The following KCNH1 variants were observed in gnomAD, a reference collection of about 807,000 sequenced individuals.
The protein encoded by KCNH1 is voltage-gated delayed rectifier potassium channel KCNH1.
A neutral mutation model predicts 69.2 loss-of-function variants in KCNH1; 27 were observed. That is an observed-to-expected ratio of 0.39 (90% CI 0.29 to 0.54). The LOEUF (loss-of-function observed/expected upper bound fraction) is 0.54, where lower values mean the gene tolerates loss of function less well. Among genes scored for constraint, KCNH1 ranks in the 20% least tolerant of loss-of-function variants. The pLI, the probability that KCNH1 is intolerant of heterozygous loss-of-function variation, is 0.68. For synonymous variants in KCNH1, 456 were observed against 487.7 expected (o/e 0.93, Z 0.86); for missense variants, 798 against 1,261.6 (o/e 0.63, Z 5.57).
chr1:211,016,898 G>T, intron 6 of KCNH1, among the ~76,000 whole-genome samples: 2 of 73,498 alleles, frequency 2.7e-5, no homozygotes. Flanking sequence ...GACAGAGCAA[G>T]ACTCTGTCTC....
intron 7 of KCNH1, among the ~76,000 whole-genome samples, chr1:210,822,062 T>C (rs1301502116): frequency 1.3e-5 from 2 of 152,018 alleles, no homozygotes; most frequent in African/African-American, 4.8e-5. Context: ...GGAATGGCAC[T>C]AGCTCTCAGA....
chr1:210,743,506 CA>C (rs2149038306), intron 10 of KCNH1, among the ~76,000 whole-genome samples: 1 of 152,274 alleles, frequency 6.6e-6, no homozygotes, highest in South Asian at 2.1e-4. Flanking sequence ...GTCCTGGTTA[CA>C]GCCTGAGCAG....
chr1:211,016,577 C>T (rs1204338023), intron 6 of KCNH1, among the ~76,000 whole-genome samples: 1 of 152,040 alleles, frequency 6.6e-6, no homozygotes, highest in Non-Finnish European at 1.5e-5. Flanking sequence ...TAAAAATGTG[C>T]TCACAGAGAA....
intron 7 of KCNH1, chr1:210,918,990 A>G (rs1395543586): frequency 6.6e-6 from 1 of 151,614 alleles, no homozygotes; most frequent in Non-Finnish European, 1.5e-5. Context: ...ACTACATTAG[A>G]CTATATGCCA....
At chr1:211,089,910 C>T (rs1039288193) in intron 4 of KCNH1, among the ~76,000 whole-genome samples, 5 of 152,194 alleles carry the variant, frequency 3.3e-5, no homozygotes, top group Admixed American at 6.5e-5. Context: ...TTCAGGGGTA[C>T]GGTTGTTCCA....
intron 10 of KCNH1, among the ~76,000 whole-genome samples, chr1:210,757,356 C>T (rs548432101): frequency 6.6e-6 from 1 of 152,324 alleles, no homozygotes; most frequent in East Asian, 1.9e-4. Context: ...CTGGGTTTCT[C>T]TTCTAGTCAG....
Position 211,020,573 on chromosome 1 carries a change from C to T in KCNH1, c.559-1317G>A, listed in dbSNP as rs530191448. On this transcript the variant is annotated intron_variant, in intron 5 of 10. Coordinates refer to ENST00000271751, the MANE Select transcript of KCNH1 (RefSeq NM_172362.3). ...ATTTTACCAAAGTTTTAAAGAAGAA[C>T]TAGTACCAGTTATTCTCAAACTATT... Among the ~76,000 whole-genome samples, 9 of 152,134 alleles carry T rather than the reference C, an allele frequency of 5.9e-5. No homozygotes were observed. In the South Asian group the frequency reaches 1.2e-3, roughly 21 times the overall value.
At chr1:211,033,696 T>C (rs1689837808) in intron 5 of KCNH1, among the ~76,000 whole-genome samples, 1 of 151,150 alleles carries the variant, frequency 6.6e-6, no homozygotes, top group Admixed American at 6.6e-5. Context: ...TTCTCACTCA[T>C]AGGTGGGAAT....
Position 210,873,693 on chromosome 1 carries a change from CA to C in KCNH1, c.1462+45946del, listed in dbSNP as rs757160558. 1.0e-3 allele frequency among the ~76,000 whole-genome samples: 159 copies of C among 151,776 alleles called. 1 individual carries two copies. The highest frequency in any genetic ancestry group is 3.4e-3 in the Middle Eastern group (1 of 294). ...GGGTTCCCATCTTATGCCCCTGATTCAAAGACATAAAAAGAAAAGAAAATAC... is the reference window on the plus strand; with the variant it reads ...GGGTTCCCATCTTATGCCCCTGATTCAAGACATAAAAAGAAAAGAAAATAC... On this transcript the variant is annotated intron_variant, in intron 7 of 10. Transcript: ENST00000271751.
chr1:210,696,460 C>T (rs116770563), intron 10 of KCNH1, among the ~76,000 whole-genome samples: 2,704 of 152,274 alleles, frequency 0.018, 39 homozygotes, highest in Non-Finnish European at 0.026. Context: ...GTTTCAGTTT[C>T]TGTTTTCCTG....
intron 5 of KCNH1, among the ~76,000 whole-genome samples, chr1:211,041,794 G>A (rs1690000737): frequency 6.6e-6 from 1 of 152,084 alleles, no homozygotes; most frequent in Non-Finnish European, 1.5e-5. Flanking sequence ...TCACTCTGTG[G>A]CCGAGGCTGG....
chr1:210,882,119 A>C (rs986984103), intron 7 of KCNH1, among the ~76,000 whole-genome samples: 2 of 152,210 alleles, frequency 1.3e-5, no homozygotes, highest in Admixed American at 6.5e-5. Flanking sequence ...GAGGCTGTGC[A>C]TGGGTGGGGG....
intron 6 of KCNH1, among the ~76,000 whole-genome samples, chr1:210,945,788 A>G (rs1379968205): frequency 1.3e-5 from 2 of 152,128 alleles, no homozygotes; most frequent in African/African-American, 2.4e-5. Flanking sequence ...TTGGCACCCA[A>G]TTGTCCTCAC....
At chr1:210,717,013 A>G (rs1464321716) in intron 10 of KCNH1, among the ~76,000 whole-genome samples, 5 of 152,296 alleles carry the variant, frequency 3.3e-5, no homozygotes, top group Middle Eastern at 3.4e-3. Flanking sequence ...ATGAGTTTAT[A>G]TCTTCCATTT....
At chr1:210,921,408 T>C (rs1469639983) in intron 6 of KCNH1, among the ~76,000 whole-genome samples, 1 of 152,244 alleles carries the variant, frequency 6.6e-6, no homozygotes, top group Non-Finnish European at 1.5e-5. Flanking sequence ...CTTTTCATTA[T>C]TTTAAACACT....
At chr1:210,885,021 C>G (rs559761113) in intron 7 of KCNH1, among the ~76,000 whole-genome samples, 1 of 152,220 alleles carries the variant, frequency 6.6e-6, no homozygotes, top group Non-Finnish European at 1.5e-5. Flanking sequence ...GTATCTGAAG[C>G]CACACTTTTC....
At chr1:210,844,481 G>C (rs1342443108) in intron 7 of KCNH1, among the ~76,000 whole-genome samples, 9 of 152,176 alleles carry the variant, frequency 5.9e-5, no homozygotes, top group Admixed American at 4.6e-4. Context: ...ATGACTACTG[G>C]GTATATAATG....
chr1:210,766,898 CT>C (rs1683647022), intron 10 of KCNH1, among the ~76,000 whole-genome samples: 3 of 152,290 alleles, frequency 2.0e-5, no homozygotes, highest in Middle Eastern at 6.8e-3. Flanking sequence ...ACTAACATTT[CT>C]TTTTATTAAT....
In KCNH1 at chr1:210,962,557, T is replaced by C. The variant is rs541293322; in HGVS notation, c.1033-42488A>G. On this transcript the variant is annotated intron_variant, in intron 6 of 10. Transcript: ENST00000271751. ...TTATTCAATGTCATGTTGTTAACCA[T>C]CAATCATGCTGCTGCAGATAACTAT... Among the ~76,000 whole-genome samples the C allele has an allele frequency of 7.5e-4, 114 of 152,250 alleles. 1 individual carries two copies. The highest frequency in any genetic ancestry group is 2.5e-3 in the African/African-American group (104 of 41,560).
Sources: allele counts gnomAD v4.1 joint callset (sites outside exome capture counted in the v4.1 genomes callset), GRCh38; gene constraint gnomAD v4.1.1; transcripts MANE v1.5; gene names NCBI Gene and HGNC (gene_info 2026-07-23, HGNC 2026-07-21).